The following ELMO1 variants were observed in gnomAD, a reference collection of about 807,000 sequenced individuals.
The protein encoded by ELMO1 is engulfment and cell motility 1, also known as engulfment and cell motility protein 1.
In ELMO1, 26 loss-of-function variants were observed where a neutral mutation model predicts 98.9. That is an observed-to-expected ratio of 0.26 (90% CI 0.19 to 0.36). The LOEUF is 0.36. Among genes scored for constraint, ELMO1 ranks in the 10% least tolerant of loss-of-function variants. The pLI, the probability that ELMO1 is intolerant of heterozygous loss-of-function variation, is 1.00. For missense variants in ELMO1, 627 were observed against 935.2 expected, an observed-to-expected ratio of 0.67 and a Z score of 4.30; for synonymous variants, 346 against 346.0, an observed-to-expected ratio of 1.00 and a Z score of 0.00.
chr7:37,129,354 G>T (rs548608852), intron 14 of ELMO1, among the ~76,000 whole-genome samples: 1 of 152,168 alleles, frequency 6.6e-6, no homozygotes, highest in Non-Finnish European at 1.5e-5. Context: ...CAATACAGAA[G>T]AATGAATTGG....
At chr7:36,865,138 G>C (rs115547429) in intron 20 of ELMO1, among the ~76,000 whole-genome samples, 2,405 of 152,298 alleles carry the variant, frequency 0.016, 65 homozygotes, top group African/African-American at 0.055. Context: ...AGTGTGCAGT[G>C]TTGGCTGCCA....
intron 15 of ELMO1, among the ~76,000 whole-genome samples, chr7:37,024,132 TG>T (rs1435192744): frequency 6.6e-5 from 10 of 152,154 alleles, no homozygotes; most frequent in Admixed American, 3.3e-4. Flanking sequence ...TTATTCCATC[TG>T]TCGGTCGGTC....
At chr7:37,168,390 C>G (rs1018634704) in intron 13 of ELMO1, among the ~76,000 whole-genome samples, 2 of 152,164 alleles carry the variant, frequency 1.3e-5, no homozygotes, top group African/African-American at 4.8e-5. Flanking sequence ...GAACTGTGTT[C>G]CTTTGGAGGA....
At chr7:36,925,670 A>C (rs913475313) in intron 16 of ELMO1, among the ~76,000 whole-genome samples, 1 of 152,282 alleles carries the variant, frequency 6.6e-6, no homozygotes, top group Non-Finnish European at 1.5e-5. Flanking sequence ...TCTAATTACA[A>C]AGACAGGCTG....
intron 4 of ELMO1, among the ~76,000 whole-genome samples, chr7:37,284,041 T>C (rs1797274147): frequency 6.6e-6 from 1 of 152,052 alleles, no homozygotes; most frequent in Non-Finnish European, 1.5e-5. Flanking sequence ...TGATACACAT[T>C]AATAAAACCT....
chr7:37,438,087 CT>C (rs2131582058), intron 1 of ELMO1, among the ~76,000 whole-genome samples: 1 of 152,146 alleles, frequency 6.6e-6, no homozygotes, highest in Non-Finnish European at 1.5e-5. Context: ...CTGACTGAAA[CT>C]TTCTATCTGG....
chr7:37,156,803 C>T (rs1309920749), intron 13 of ELMO1, among the ~76,000 whole-genome samples: 2 of 152,166 alleles, frequency 1.3e-5, no homozygotes, highest in African/African-American at 4.8e-5. Context: ...GGGAATCCTC[C>T]CTAACTCATT....
At chr7:37,086,635 C>T (rs1783795451) in intron 15 of ELMO1, among the ~76,000 whole-genome samples, 1 of 148,944 alleles carries the variant, frequency 6.7e-6, no homozygotes, top group South Asian at 2.2e-4. Flanking sequence ...CCCAGGTACT[C>T]GGGAGGCTGA....
intron 16 of ELMO1, among the ~76,000 whole-genome samples, chr7:36,935,379 T>A (rs540151477): frequency 1.3e-5 from 2 of 152,184 alleles, no homozygotes; most frequent in East Asian, 3.9e-4. Context: ...CAGCCACACG[T>A]AAAGGACTAA....
At chr7:36,872,862 T>G in intron 19 of ELMO1, among the ~76,000 whole-genome samples, 1 of 152,300 alleles carries the variant, frequency 6.6e-6, no homozygotes, top group East Asian at 1.9e-4. Flanking sequence ...AGTTTTTTTG[T>G]TATAATATAT....
chr7:37,030,668 GAT>G (rs1794830899), intron 15 of ELMO1, among the ~76,000 whole-genome samples: 1 of 152,142 alleles, frequency 6.6e-6, no homozygotes, highest in Admixed American at 6.5e-5. Context: ...GAGATACCTG[GAT>G]AATTGTTCTT....
At chr7:37,310,082 A>T (rs558969438) in intron 4 of ELMO1, among the ~76,000 whole-genome samples, 1 of 152,324 alleles carries the variant, frequency 6.6e-6, no homozygotes, top group Admixed American at 6.5e-5. Context: ...TGGGAAAGAC[A>T]AAAAAGGGGG....
intron 13 of ELMO1, among the ~76,000 whole-genome samples, chr7:37,167,322 C>G (rs905295515): frequency 6.6e-6 from 1 of 152,160 alleles, no homozygotes; most frequent in Admixed American, 6.5e-5. Context: ...TTAATTGAAG[C>G]ATTTCGTCCA....
intron 1 of ELMO1, among the ~76,000 whole-genome samples, chr7:37,422,664 GA>G (rs34938305): frequency 2.6e-5 from 4 of 151,928 alleles, no homozygotes; most frequent in Non-Finnish European, 4.4e-5. Context: ...TTCCTATTTA[GA>G]AAAAAAAGCG....
intron 2 of ELMO1, among the ~76,000 whole-genome samples, chr7:37,332,895 T>C (rs181031454): frequency 1.3e-5 from 2 of 152,292 alleles, no homozygotes; most frequent in East Asian, 3.9e-4. Context: ...AGCCAGCTGT[T>C]ATGCTACTGA....
At chr7:37,167,686 T>C (rs1321088848) in intron 13 of ELMO1, among the ~76,000 whole-genome samples, 1 of 152,158 alleles carries the variant, frequency 6.6e-6, no homozygotes, top group African/African-American at 2.4e-5. Flanking sequence ...TTCTGGCTTG[T>C]AGAGTTTCTG....
At chr7:36,962,961 AT>A (rs1280547239) in intron 16 of ELMO1, among the ~76,000 whole-genome samples, 2 of 152,188 alleles carry the variant, frequency 1.3e-5, no homozygotes, top group Non-Finnish European at 2.9e-5. Context: ...GAAAAGATGT[AT>A]TTTAAAGAAT....
intron 20 of ELMO1, among the ~76,000 whole-genome samples, chr7:36,868,331 T>C: frequency 9.4e-6 from 1 of 106,218 alleles, no homozygotes; most frequent in African/African-American, 3.3e-5. Flanking sequence ...GTTCTGCTTC[T>C]TCTTCTTCTT....
intron 20 of ELMO1, chr7:36,861,976 T>C: frequency 1.9e-6 from 1 of 526,722 alleles, no homozygotes; most frequent in Non-Finnish European, 3.4e-6. Context: ...GTAGCAAGTG[T>C]TTTCATCTCC....
Sources: gnomAD v4.1 joint callset for allele counts (sites outside exome capture counted in the v4.1 genomes callset) on GRCh38, gnomAD v4.1.1 for gene constraint, MANE v1.5 for transcripts, NCBI Gene and HGNC (gene_info 2026-07-23, HGNC 2026-07-21) for gene names.